ROBO2: variants seen among roughly 807,000 people sequenced by gnomAD.
ROBO2 encodes roundabout guidance receptor 2.
In ROBO2, 53 loss-of-function variants were observed where a neutral mutation model predicts 160.8. The observed-to-expected ratio is 0.33, with a 90% CI of 0.26 to 0.41. ROBO2 has a LOEUF of 0.41. ROBO2 is among the 10% of genes least tolerant of loss of function. The pLI is 1.00. For missense variants in ROBO2, 1,577 were observed against 1,722.4 expected (o/e 0.92, Z 1.49); for synonymous variants, 664 against 611.7 (o/e 1.09, Z -1.26).
At chr3:77,035,818 C>T (rs2063600236), upstream of ROBO2, among the ~76,000 whole-genome samples, 1 of 151,844 alleles carries the variant, frequency 6.6e-6, no homozygotes, top group African/African-American at 2.4e-5. Flanking sequence ...ATTTTTAATG[C>T]TTCACTTACT....
chr3:76,625,758 T>C (rs1016354737), intron 2 of ROBO2, among the ~76,000 whole-genome samples: 8 of 152,084 alleles, frequency 5.3e-5, no homozygotes, highest in Non-Finnish European at 1.2e-4. Flanking sequence ...AGCGCAACGT[T>C]GTGGGGGAAA....
At chr3:77,588,493 T>C (rs2094108166) in intron 16 of ROBO2, among the ~76,000 whole-genome samples, 1 of 89,686 alleles carries the variant, frequency 1.1e-5, no homozygotes, top group Non-Finnish European at 2.3e-5. Flanking sequence ...TATAAGGTGA[T>C]AAATCAACTA....
intron 2 of ROBO2, among the ~76,000 whole-genome samples, chr3:76,540,621 C>T (rs2082762826): frequency 1.3e-5 from 2 of 152,110 alleles, no homozygotes; most frequent in Non-Finnish European, 2.9e-5. Context: ...CAAGTAAACA[C>T]TAAGTTGGGA....
chr3:76,161,045 C>T (rs908374663), intron 2 of ROBO2, among the ~76,000 whole-genome samples: 1 of 152,038 alleles, frequency 6.6e-6, no homozygotes, highest in African/African-American at 2.4e-5. Context: ...AAGGAAAACA[C>T]ACTAAAGCTT....
At chr3:76,339,781 ATTG>A (rs1427722006) in intron 2 of ROBO2, among the ~76,000 whole-genome samples, 1 of 152,088 alleles carries the variant, frequency 6.6e-6, no homozygotes, top group Non-Finnish European at 1.5e-5. Context: ...TTGGGTGTAT[ATTG>A]TTATTAATCG....
chr3:76,934,548 C>T (rs112623678), intron 2 of ROBO2, among the ~76,000 whole-genome samples: 2 of 152,034 alleles, frequency 1.3e-5, no homozygotes, highest in Non-Finnish European at 2.9e-5. Context: ...CGATCGAGAC[C>T]GTCCTGGACA....
intron 2 of ROBO2, among the ~76,000 whole-genome samples, chr3:76,297,706 TAAA>T (rs71277576): frequency 0.065 from 3,691 of 56,506 alleles, 67 homozygotes; most frequent in Non-Finnish European, 0.084. Flanking sequence ...CTGCTTTCCT[TAAA>T]AAAAAAAAAA....
chr3:76,222,294 C>A (rs1373176543), intron 2 of ROBO2, among the ~76,000 whole-genome samples: 1 of 151,938 alleles, frequency 6.6e-6, no homozygotes, highest in Non-Finnish European at 1.5e-5. Flanking sequence ...GGGGCTGAGG[C>A]AAGTTTTAGA....
intron 2 of ROBO2, among the ~76,000 whole-genome samples, chr3:76,767,557 T>C (rs936780459): frequency 8.6e-5 from 13 of 151,556 alleles, no homozygotes; most frequent in African/African-American, 2.7e-4. Context: ...AGAATAAATA[T>C]ATTCTGTATC....
chr3:76,511,045 A>T (rs2081060136), intron 2 of ROBO2, among the ~76,000 whole-genome samples: 1 of 152,232 alleles, frequency 6.6e-6, no homozygotes, highest in South Asian at 2.1e-4. Flanking sequence ...TGCCAAGGTC[A>T]TCACTAATGA....
chr3:77,041,365 T>C (rs1288577700), intron 1 of ROBO2, among the ~76,000 whole-genome samples: 1 of 152,106 alleles, frequency 6.6e-6, no homozygotes, highest in African/African-American at 2.4e-5. Flanking sequence ...AGAATTTAGA[T>C]CCTAGGGAGA....
At chr3:76,492,470 G>A (rs574049824) in intron 2 of ROBO2, among the ~76,000 whole-genome samples, 1 of 151,804 alleles carries the variant, frequency 6.6e-6, no homozygotes, top group Non-Finnish European at 1.5e-5. Context: ...CTTCACTTCC[G>A]GTTTCCAGGA....
At chr3:77,598,434 AAT>A (rs3073100) in intron 19 of ROBO2, among the ~76,000 whole-genome samples, 83,288 of 143,300 alleles carry the variant, frequency 0.58, 24,307 homozygotes, top group Middle Eastern at 0.69. Flanking sequence ...TAAATAGATG[AAT>A]ATATATATAT....
chr3:76,433,408 A>C (rs2109034384), intron 2 of ROBO2, among the ~76,000 whole-genome samples: 1 of 152,308 alleles, frequency 6.6e-6, no homozygotes, highest in South Asian at 2.1e-4. Context: ...ATTTATCTTA[A>C]ATTTACATTT....
chr3:76,311,809 G>C (rs2071607220), intron 2 of ROBO2, among the ~76,000 whole-genome samples: 2 of 152,186 alleles, frequency 1.3e-5, no homozygotes, highest in South Asian at 4.1e-4. Flanking sequence ...AGGGATGTCT[G>C]AGAAAGGGCA....
intron 1 of ROBO2, 139 bp downstream of exon 1, chr3:77,040,985 T>G (rs2064031833): frequency 1.9e-6 from 2 of 1,070,878 alleles, no homozygotes; most frequent in Admixed American, 4.2e-5. Context: ...CACGGGCTCC[T>G]TGGGGGCAGA....
At chr3:76,564,600 AC>A (rs1420387652) in intron 2 of ROBO2, among the ~76,000 whole-genome samples, 1 of 152,198 alleles carries the variant, frequency 6.6e-6, no homozygotes, top group Non-Finnish European at 1.5e-5. Context: ...GGGATTTGGA[AC>A]ACAGGTTAAT....
intron 2 of ROBO2, among the ~76,000 whole-genome samples, chr3:76,360,924 A>C (rs919188508): frequency 6.6e-6 from 1 of 151,960 alleles, no homozygotes; most frequent in African/African-American, 2.4e-5. Flanking sequence ...CTTTGTGAGG[A>C]TATAGTGAAG....
intron 2 of ROBO2, among the ~76,000 whole-genome samples, chr3:77,429,965 A>G (rs12497058): frequency 0.2 from 30,602 of 152,098 alleles, 3,908 homozygotes; most frequent in Non-Finnish European, 0.28. Context: ...TGCTGTGACC[A>G]TGAGGTTAGA....
Sources: allele counts gnomAD v4.1 joint callset (sites outside exome capture counted in the v4.1 genomes callset), GRCh38; gene constraint gnomAD v4.1.1; transcripts MANE v1.5; gene names NCBI Gene and HGNC (gene_info 2026-07-23, HGNC 2026-07-21).